Variants in ANO1 observed in about 807,000 individuals in gnomAD.
ANO1 encodes anoctamin-1.
A neutral mutation model predicts 124.0 loss-of-function variants in ANO1; 59 were observed. That is an observed-to-expected ratio of 0.48 (90% CI 0.39 to 0.59). The LOEUF is 0.59. Ranked by LOEUF, ANO1 falls within the 20% of genes least tolerant of loss-of-function variation. The pLI is 0.00. For synonymous variants in ANO1, 529 were observed against 532.0 expected (o/e 0.99, Z 0.08); for missense variants, 1,059 against 1,328.0 (o/e 0.80, Z 3.15).
At chr11:70,164,413 G>C (rs1288590912) in intron 19 of ANO1, among the ~76,000 whole-genome samples, 1 of 152,232 alleles carries the variant, frequency 6.6e-6, no homozygotes, top group African/African-American at 2.4e-5. Context: ...CTCCTCCACA[G>C]TAATGGGCAT....
intron 1 of ANO1, among the ~76,000 whole-genome samples, chr11:70,017,691 T>G (rs1856727432): frequency 6.6e-6 from 1 of 151,970 alleles, no homozygotes; most frequent in Non-Finnish European, 1.5e-5. Context: ...ATTTTTAAAT[T>G]ATTTTTGTGT....
intron 11 of ANO1, among the ~76,000 whole-genome samples, chr11:70,139,101 T>C (rs117272184): frequency 0.027 from 4,058 of 152,324 alleles, 70 homozygotes; most frequent in South Asian, 0.047. Flanking sequence ...TCCATGTTGC[T>C]GCAAAGGCCT....
intron 1 of ANO1, among the ~76,000 whole-genome samples, chr11:70,054,459 T>A (rs1857403271): frequency 6.6e-6 from 1 of 152,148 alleles, no homozygotes; most frequent in Admixed American, 6.6e-5. Flanking sequence ...AGGCACCAGC[T>A]CCCCACCACC....
At chr11:70,025,004 C>T (rs1856867165) in intron 1 of ANO1, among the ~76,000 whole-genome samples, 1 of 152,172 alleles carries the variant, frequency 6.6e-6, no homozygotes, top group Admixed American at 6.5e-5. Context: ...GCTCCAGTGA[C>T]ATCTGAGCAT....
intron 1 of ANO1, among the ~76,000 whole-genome samples, chr11:70,046,857 T>C (rs1857267141): frequency 6.6e-6 from 1 of 152,038 alleles, no homozygotes; most frequent in Non-Finnish European, 1.5e-5. Context: ...GAGGATCACC[T>C]GAGGTCAGGA....
At chr11:70,123,289 T>C (rs1406958195) in intron 8 of ANO1, among the ~76,000 whole-genome samples, 1 of 152,208 alleles carries the variant, frequency 6.6e-6, no homozygotes. Flanking sequence ...ATCTCAGGAA[T>C]ACGCCCTCCA....
Position 70,031,845 on chromosome 11 carries a change from C to A in ANO1, c.58+45679C>A, listed in dbSNP as rs892583135. 9.2e-5 allele frequency among the ~76,000 whole-genome samples: 14 copies of A among 152,328 alleles called. 1 individual carries two copies. The highest frequency in any genetic ancestry group is 5.8e-4 in the East Asian group (3 of 5,186). Reference sequence around the variant, plus strand: ...TCCGACGTACATCCACACTGGCCAGCAAGCCTCCTCTGGCATCAGGGAGTG... The same window carrying A: ...TCCGACGTACATCCACACTGGCCAGAAAGCCTCCTCTGGCATCAGGGAGTG... On this transcript the variant is annotated intron_variant, in intron 1 of 27. Transcript: ENST00000531349.
At chr11:70,059,064 C>G (rs545096775) in intron 1 of ANO1, among the ~76,000 whole-genome samples, 1 of 150,944 alleles carries the variant, frequency 6.6e-6, no homozygotes, top group South Asian at 2.1e-4. Flanking sequence ...TGGTGGCGGG[C>G]GCCTGCAGTC....
chr11:69,975,402 G>A, the ANO1 span, among the ~76,000 whole-genome samples: 879 of 152,318 alleles, frequency 5.8e-3, 4 homozygotes, highest in Admixed American at 0.015. Flanking sequence ...AGAGCTGCCC[G>A]TGGACCCACT....
intron 2 of ANO1, among the ~76,000 whole-genome samples, chr11:70,100,844 C>G (rs1029997564): frequency 6.6e-6 from 1 of 152,218 alleles, no homozygotes; most frequent in Non-Finnish European, 1.5e-5. Flanking sequence ...ATTACTATTA[C>G]TGTATTATTG....
chr11:70,155,791 G>C, intron 14 of ANO1, 120 bp from the exon 15 acceptor site: 1 of 880,590 alleles, frequency 1.1e-6, no homozygotes, highest in South Asian at 1.8e-5. Flanking sequence ...GTGAGCTTAC[G>C]GCCCGCACCA....
intron 8 of ANO1, among the ~76,000 whole-genome samples, chr11:70,117,260 G>T (rs937763727): frequency 4.6e-5 from 7 of 151,808 alleles, no homozygotes; most frequent in Non-Finnish European, 7.4e-5. Flanking sequence ...TAGTAGAGAC[G>T]GGCTTTCGCC....
Position 70,168,818 on chromosome 11 carries a change from C to T in ANO1, c.2197+1431C>T, listed in dbSNP as rs558382532. The stretch of plus-strand genomic sequence containing the variant: ...TGTTTAATTTCACCACAAGTGCTGC[C>T]GTCTGCCCCTCCTGTTAGCCGAATT... On this transcript the variant is annotated intron_variant, in intron 21 of 25. Coordinates refer to ENST00000355303, the MANE Select transcript of ANO1 (RefSeq NM_018043.7). Among the ~76,000 whole-genome samples, 174 of 152,274 alleles carry T rather than the reference C, an allele frequency of 1.1e-3. 1 individual carries two copies. The highest frequency in any genetic ancestry group is 3.9e-3 in the African/African-American group (164 of 41,550).
intron 1 of ANO1, among the ~76,000 whole-genome samples, chr11:70,037,251 C>T (rs543752435): frequency 2.0e-5 from 3 of 152,088 alleles, no homozygotes; most frequent in South Asian, 4.2e-4. Context: ...GTGACAGGGA[C>T]CTGGGCAATA....
intron 7 of ANO1, among the ~76,000 whole-genome samples, chr11:70,113,635 T>G (rs1458840003): frequency 6.6e-6 from 1 of 152,144 alleles, no homozygotes; most frequent in Non-Finnish European, 1.5e-5. Context: ...CTGATTGACC[T>G]TTAAGCAGGT....
chr11:70,086,420 C>T (rs1303538575), intron 1 of ANO1, among the ~76,000 whole-genome samples: 2 of 152,176 alleles, frequency 1.3e-5, no homozygotes, highest in Non-Finnish European at 2.9e-5. Flanking sequence ...CCCGTGGCCC[C>T]CTAGAGTCCT....
chr11:70,072,667 C>A (rs1428219474), intron 1 of ANO1: 1 of 152,256 alleles, frequency 6.6e-6, no homozygotes, highest in Non-Finnish European at 1.5e-5. Flanking sequence ...AGACTTCGGT[C>A]TTTAGGGAAA....
chr11:70,145,943 C>CAAAAAA (rs10589426), intron 11 of ANO1, among the ~76,000 whole-genome samples: 93 of 108,640 alleles, frequency 8.6e-4, no homozygotes, highest in Non-Finnish European at 1.2e-3. Context: ...TCTCAAAAAA[C>CAAAAAA]AAAAAAAAAA....
rs782522363 is a variant in ANO1 at position 70,034,807 on chromosome 11, C to T, written c.59-43735C>T. ...AAAATATTGGGGCTTTTGCACTTAA[C>T]GCAAAAGACAAAGACAAAAAAGAAC... On this transcript the variant is annotated intron_variant, in intron 1 of 27. Transcript: ENST00000531349. Among the ~76,000 whole-genome samples, 8 of 152,138 alleles carry T rather than the reference C, an allele frequency of 5.3e-5. 1 individual carries two copies. The South Asian group carries it at 6.2e-4, about 12-fold the overall frequency.
Sources: allele counts gnomAD v4.1 joint callset (sites outside exome capture counted in the v4.1 genomes callset), GRCh38; gene constraint gnomAD v4.1.1; transcripts MANE v1.5; gene names NCBI Gene and HGNC (gene_info 2026-07-23, HGNC 2026-07-21).